PSMB4: variants seen among roughly 807,000 people sequenced by gnomAD.
PSMB4 encodes proteasome subunit beta type-4.
A neutral mutation model predicts 35.2 loss-of-function variants in PSMB4; 16 were observed. That is an observed-to-expected ratio of 0.45 (90% confidence interval 0.31 to 0.69). The LOEUF (loss-of-function observed/expected upper bound fraction) is 0.69. Among genes scored for constraint, PSMB4 ranks in the 30% least tolerant of loss-of-function variants. The pLI is 0.06. For missense variants in PSMB4, 333 were observed against 351.8 expected (o/e 0.95, Z 0.43); for synonymous variants, 144 against 134.1 (o/e 1.07, Z -0.51).
In PSMB4 at chr1:151,400,587, A is replaced by T. The variant is rs745352663; in HGVS notation, c.493A>T (p.Ser165Cys). The T allele has an allele frequency of 6.2e-7, 1 of 1,614,114 alleles. No individual in the cohort carries two copies. Among genetic ancestry groups the T allele is most frequent in the South Asian group, 1.1e-5 (1 of 91,086 alleles). The change falls in exon 3 of 7, where the codon AGC (serine) becomes TGC (cysteine). Residue 165 changes from serine to cysteine, a missense_variant and splice_region_variant. Physicochemically the swap from Ser to Cys is moderately radical, Grantham distance 112 (BLOSUM62 -1). Transcript: ENST00000290541. ...MVIGGYADGE[S>C]FLGYVDMLGV... is the part of the protein sequence containing the mutation. ...CATCGGAGGCTATGCTGATGGAGAG[A>T]GGTTCATATGAATACAAATAACTTA...
At position 151,400,008 on chromosome 1, in the gene PSMB4, C is replaced by T; in HGVS notation, c.168C>T (p.Val56=). The stretch of plus-strand genomic sequence containing the variant: ...ACCCCATGGTGACCGGGACCTCAGT[C>T]CTCGGCGTTAAGTTCGAGGGCGGAG... The part of the protein sequence containing the change: ...TQNPMVTGTS[V]LGVKFEGGVV... Residue 56 remains valine (V), a synonymous_variant, in exon 2 of 7, where the codon GTC becomes GTT. Coordinates refer to ENST00000290541, the MANE Select transcript of PSMB4 (RefSeq NM_002796.3). 6.2e-7 allele frequency: 1 copy of T among 1,614,040 alleles called. No homozygotes were observed. The highest frequency in any genetic ancestry group is 8.5e-7 in the Non-Finnish European group (1 of 1,179,940).
Position 151,400,044 on chromosome 1 carries a change from C to T in PSMB4, c.204C>T (p.Ala68=), listed in dbSNP as rs966757166. Residue 68 remains alanine, a synonymous_variant, in exon 2 of 7, where the codon GCC becomes GCT. Transcript: ENST00000290541. ...AGTTCGAGGGCGGAGTGGTGATTGC[C>T]GCAGACATGCTGGGATCCTACGGCT... ...GVKFEGGVVI[A]ADMLGSYGSL... is the part of the protein sequence containing the mutation. The T allele has an allele frequency of 1.2e-6, 2 of 1,614,002 alleles. No homozygotes were observed. The highest frequency in any genetic ancestry group is 1.7e-6 in the Non-Finnish European group (2 of 1,180,014).
Position 151,401,606 on chromosome 1 carries a change from A to G in PSMB4, c.758A>G (p.Asn253Ser), listed in dbSNP as rs752003327. 1.2e-6 allele frequency: 2 copies of G among 1,611,356 alleles called. No homozygotes were observed. The highest frequency in any genetic ancestry group is 1.3e-5 in the African/African-American group (1 of 74,994). ...EIEGPLSTET[N>S]WDIAHMISGF... ...GAGGGACCATTGTCTACAGAGACCA[A>G]CTGGGATATTGCCCACATGATCAGG... The change falls in exon 6 of 7, where the codon AAC (asparagine) becomes AGC (serine). Residue 253 changes from asparagine (N) to serine (S), a missense_variant. Coordinates refer to ENST00000290541, the MANE Select transcript of PSMB4 (RefSeq NM_002796.3).
chr1:151,400,728 A>C lies in PSMB4; in HGVS notation c.495-36A>C, dbSNP rs763749279. ...CCCTTCTTCAGCTAAGATGAATCTA[A>C]GGTGAAATGAGTTTTGACCCATTGT... On this transcript the variant is annotated intron_variant, in intron 3 of 6. Transcript: ENST00000290541. 6.2e-6 allele frequency: 10 copies of C among 1,612,030 alleles called. No homozygotes were observed. The African/African-American group carries it at 1.3e-4, about 22-fold the overall frequency.
intron 5 of PSMB4, 38 bp from the exon 6 acceptor site, chr1:151,401,504 A>G (rs1652833282): frequency 6.4e-7 from 1 of 1,560,680 alleles, no homozygotes; most frequent in East Asian, 2.2e-5. Context: ...TTAAGGACTT[A>G]AGGCGTGGGC....
chr1:151,401,465 T>C (rs897544451), intron 5 of PSMB4, 77 bp from the exon 6 acceptor site: 50 of 1,513,430 alleles, frequency 3.3e-5, no homozygotes, highest in South Asian at 2.2e-4. Flanking sequence ...TATTTTCACA[T>C]TGGGGAAGAC....
At chr1:151,399,856 G>A in intron 1 of PSMB4, 125 bp from the exon 2 acceptor site, 1 of 1,558,044 alleles carries the variant, frequency 6.4e-7, no homozygotes, top group East Asian at 2.2e-5. Context: ...GGAGCTCAGG[G>A]CGCGGAGTCC....
In PSMB4 at chr1:151,400,576, CTGATG is replaced by C; in HGVS notation, c.483_487del (p.Asp162ArgfsTer15). On this transcript the variant is annotated frameshift_variant, in exon 3 of 7. Transcript: ENST00000290541. LOFTEE classifies it high-confidence loss of function. ...AACACCATGGTCATCGGAGGCTATG[CTGATG>C]GAGAGAGGTTCATATGAATACAAAT... 1 of 1,614,162 alleles carries C rather than the reference CTGATG, an allele frequency of 6.2e-7. No homozygotes were observed. Among genetic ancestry groups the C allele is most frequent in the East Asian group, 2.2e-5 (1 of 44,880 alleles).
Position 151,401,332 on chromosome 1 carries a change from C to A in PSMB4, c.670C>A (p.Arg224=). 6.2e-7 allele frequency: 1 copy of A among 1,614,106 alleles called. No individual in the cohort carries two copies. Among genetic ancestry groups the A allele is most frequent in the Middle Eastern group, 1.7e-4 (1 of 6,060 alleles). The change falls in exon 5 of 7, where the codon CGA becomes AGA. Residue 224 remains arginine, a synonymous_variant. Transcript: ENST00000290541. ...ACGCTGCATGCGAGTGCTGTACTACCGAGATGCCCGTTCTTACAACCGGGT... is the reference window on the plus strand; with the variant it reads ...ACGCTGCATGCGAGTGCTGTACTACAGAGATGCCCGTTCTTACAACCGGGT... ...VERCMRVLYY[R]DARSYNRFQI...
intron 3 of PSMB4, 27 bp from the exon 4 acceptor site, chr1:151,400,737 G>A (rs368176363): frequency 3.1e-6 from 5 of 1,613,358 alleles, no homozygotes; most frequent in African/African-American, 2.7e-5. Flanking sequence ...AAGGTGAAAT[G>A]AGTTTTGACC....
chr1:151,400,288 G>A lies in PSMB4; in HGVS notation c.347+101G>A, dbSNP rs189441965. Reference sequence around the variant, plus strand: ...GATGGGGGGACTTGTTGCAGCGGGGGACTGGAAGAGTTGTTGGAGGTGGGC... The same window carrying A: ...GATGGGGGGACTTGTTGCAGCGGGGAACTGGAAGAGTTGTTGGAGGTGGGC... On this transcript the variant is annotated intron_variant, in intron 2 of 6. Coordinates refer to ENST00000290541, the MANE Select transcript of PSMB4 (RefSeq NM_002796.3). 4.4e-4 allele frequency: 644 copies of A among 1,476,458 alleles called. No homozygotes were observed. The East Asian group carries it at 0.011, about 24-fold the overall frequency. The allele number at this position is 1,476,458 out of a possible 1,614,324, so 91.5% of individuals were successfully genotyped here. A position where few individuals can be genotyped will look rare whatever the true frequency, so the allele number is the denominator to read the frequency against.
chr1:151,400,693 C>G, intron 3 of PSMB4, 71 bp from the exon 4 acceptor site: 1 of 1,608,940 alleles, frequency 6.2e-7, no homozygotes, highest in Non-Finnish European at 8.5e-7. Flanking sequence ...TTAACTCAGA[C>G]CCCATGGTCC....
Position 151,399,720 on chromosome 1 carries a change from C to G in PSMB4, c.133C>G (p.Arg45Gly). Reference protein sequence around the residue: ...ASALYRGPITRTQNPMVTGTS... With the variant: ...ASALYRGPITGTQNPMVTGTS... Reference sequence around the variant, plus strand: ...TGCACTTTACAGAGGTCCAATCACGCGGACCCAGTAAGTTCTCGGCGCTTT... The same window carrying G: ...TGCACTTTACAGAGGTCCAATCACGGGGACCCAGTAAGTTCTCGGCGCTTT... The change falls in exon 1 of 7, where the codon CGG becomes GGG. Residue 45 changes from arginine to glycine, a missense_variant. By Grantham distance (125) the Arg-to-Gly change is moderately radical (BLOSUM62 -2). Coordinates refer to ENST00000290541, the MANE Select transcript of PSMB4 (RefSeq NM_002796.3). The G allele has an allele frequency of 2.5e-6, 4 of 1,614,062 alleles. No homozygotes were observed. The highest frequency in any genetic ancestry group is 3.4e-6 in the Non-Finnish European group (4 of 1,180,022).
At chr1:151,401,491 C>T (rs1652832483) in intron 5 of PSMB4, 51 bp from the exon 6 acceptor site, 3 of 1,543,378 alleles carry the variant, frequency 1.9e-6, no homozygotes, top group Non-Finnish European at 1.8e-6. Context: ...CCTGACCTTT[C>T]ATTTAAGGAC....
intron 5 of PSMB4, 55 bp from the exon 6 acceptor site, chr1:151,401,487 C>T (rs1652832293): frequency 2.6e-6 from 4 of 1,540,230 alleles, no homozygotes; most frequent in Non-Finnish European, 3.6e-6. Context: ...TCCACCTGAC[C>T]TTTCATTTAA....
chr1:151,401,574 T>C lies in PSMB4; in HGVS notation c.726T>C (p.Val242=). 6.2e-7 allele frequency: 1 copy of C among 1,612,918 alleles called. No individual in the cohort carries two copies. Among genetic ancestry groups the C allele is most frequent in the Non-Finnish European group, 8.5e-7 (1 of 1,178,858 alleles). Residue 242 remains valine, a synonymous_variant, in exon 6 of 7, where the codon GTT becomes GTC. Coordinates refer to ENST00000290541, the MANE Select transcript of PSMB4 (RefSeq NM_002796.3). ...TCGCCACTGTCACCGAAAAAGGTGT[T>C]GAAATAGAGGGACCATTGTCTACAG... The part of the protein sequence containing the change: ...FQIATVTEKG[V]EIEGPLSTET...
In PSMB4 at chr1:151,399,859, C is replaced by T. The variant is rs1300462286; in HGVS notation, c.141-122C>T. 3 of 1,553,068 alleles carry T rather than the reference C, an allele frequency of 1.9e-6. No homozygotes were observed. The East Asian group carries it at 6.7e-5, about 35-fold the overall frequency. On this transcript the variant is annotated intron_variant, in intron 1 of 6. Coordinates refer to ENST00000290541, the MANE Select transcript of PSMB4 (RefSeq NM_002796.3). ...GCGAACGGCAGGGGAGCTCAGGGCG[C>T]GGAGTCCTGGAGAATGCAGAATAAT...
In PSMB4 at chr1:151,399,717, A is replaced by C. The variant is rs748199140; in HGVS notation, c.130A>C (p.Thr44Pro). 1.9e-6 allele frequency: 3 copies of C among 1,613,952 alleles called. No homozygotes were observed. The highest frequency in any genetic ancestry group is 2.5e-6 in the Non-Finnish European group (3 of 1,179,984). Residue 44 changes from threonine (T) to proline (P), a missense_variant, in exon 1 of 7, where the codon ACG (threonine) becomes CCG (proline). Physicochemically the swap from Thr to Pro is conservative, Grantham distance 38. Transcript: ENST00000290541. ...PASALYRGPI[T>P]RTQNPMVTGT... ...GTCTGCACTTTACAGAGGTCCAATCACGCGGACCCAGTAAGTTCTCGGCGC... is the reference window on the plus strand; with the variant it reads ...GTCTGCACTTTACAGAGGTCCAATCCCGCGGACCCAGTAAGTTCTCGGCGC...
rs1652853844 is a variant in PSMB4 at position 151,401,800 on chromosome 1, C to G, written c.783-17C>G. ...CTTTATGCTTCACAATTTTATTATTCTGTCTTCCTTTTTTAGTGGCTTTGA... is the reference window on the plus strand; with the variant it reads ...CTTTATGCTTCACAATTTTATTATTGTGTCTTCCTTTTTTAGTGGCTTTGA... On this transcript the variant is annotated splice_polypyrimidine_tract_variant and intron_variant, in intron 6 of 6. Transcript: ENST00000290541. 1 of 1,602,110 alleles carries G rather than the reference C, an allele frequency of 6.2e-7. No individual in the cohort carries two copies. Among genetic ancestry groups the G allele is most frequent in the Non-Finnish European group, 8.5e-7 (1 of 1,173,918 alleles).
Sources: allele counts gnomAD v4.1 joint callset, GRCh38; gene constraint gnomAD v4.1.1; transcripts MANE v1.5; gene names NCBI Gene and HGNC (gene_info 2026-07-23, HGNC 2026-07-21).